PCDHGA7: variants seen among roughly 807,000 people sequenced by gnomAD.
The protein encoded by PCDHGA7 is protocadherin gamma subfamily A, 7.
In PCDHGA7, 44 loss-of-function variants were observed where a neutral mutation model predicts 58.3. The ratio of observed to expected loss-of-function variants is 0.75; its 90% CI spans 0.59 to 0.97. The LOEUF (loss-of-function observed/expected upper bound fraction) is 0.97. PCDHGA7 is among the 50% of genes least tolerant of loss of function. PCDHGA7 has a pLI of 0.00. For missense variants in PCDHGA7, 1,266 were observed against 1,188.7 expected (o/e 1.06, Z -0.96); for synonymous variants, 516 against 504.2 (o/e 1.02, Z -0.31).
intron 1 of PCDHGA7, among the ~76,000 whole-genome samples, chr5:141,442,784 A>C (rs1267270442): frequency 2.0e-5 from 3 of 152,212 alleles, no homozygotes; most frequent in Non-Finnish European, 4.4e-5. Flanking sequence ...ATTATATTTT[A>C]TAATTTTACT....
Position 141,432,195 on chromosome 5 carries a change from C to A in PCDHGA7, c.2424+46872C>A, listed in dbSNP as rs1334965321. ...CTCGTCTCTGTGACCGCCCACGACC[C>A]CGACTGTGAAGAGAACGCCCAGATC... On this transcript the variant is annotated intron_variant, in intron 1 of 3. Transcript: ENST00000518325. This position sits in a 1 kb window ranked among gnomAD's most constrained non-coding sequence, Gnocchi z 6.0. 22 of 1,614,088 alleles carry A rather than the reference C, an allele frequency of 1.4e-5. No homozygotes were observed. The highest frequency in any genetic ancestry group is 1.9e-5 in the Non-Finnish European group (22 of 1,180,058).
At chr5:141,465,840 A>G (rs1212861707) in intron 1 of PCDHGA7, among the ~76,000 whole-genome samples, 1 of 151,734 alleles carries the variant, frequency 6.6e-6, no homozygotes, top group Non-Finnish European at 1.5e-5. Context: ...ATTTCAACTG[A>G]GGCTGGGCCC....
At position 141,487,855 on chromosome 5, in the gene PCDHGA7, A is replaced by G. The variant is rs1033833406; in HGVS notation, c.2425-6952A>G. The G allele has an allele frequency of 2.1e-6, 2 of 974,092 alleles. No homozygotes were observed. Among genetic ancestry groups the G allele is most frequent in the Non-Finnish European group, 3.0e-6 (2 of 668,870 alleles). The allele number at this position is 974,092 out of a possible 1,614,324, so 60.3% of individuals were successfully genotyped here. Reference sequence around the variant, plus strand: ...TATATCTGAGTAAGAAATGAAAGTAATTGGTGATCAAGAGCCAGGCTGTTG... The same window carrying G: ...TATATCTGAGTAAGAAATGAAAGTAGTTGGTGATCAAGAGCCAGGCTGTTG... On this transcript the variant is annotated intron_variant, in intron 1 of 3. Transcript: ENST00000518325. The surrounding 1 kb of genome is among the most constrained non-coding windows in gnomAD (Gnocchi z 5.0).
At chr5:141,488,932 A>G (rs2233598) in intron 1 of PCDHGA7, among the ~76,000 whole-genome samples, 31,368 of 152,090 alleles carry the variant, frequency 0.21, 3,372 homozygotes, top group Admixed American at 0.31. Flanking sequence ...GGATTGAGGA[A>G]ACTCCATAAT....
At chr5:141,458,289 T>G (rs2154566205) in intron 1 of PCDHGA7, among the ~76,000 whole-genome samples, 1 of 152,280 alleles carries the variant, frequency 6.6e-6, no homozygotes, top group African/African-American at 2.4e-5. Flanking sequence ...CTGGTCCTCA[T>G]GCTGGTTTAG....
rs1778602174 is a variant in PCDHGA7, at chr5:141,382,938, C to G, written c.39C>G (p.Phe13Leu). ...AQPRGGDYRGFFLLSILLGTP... is the reference protein window; with the variant it reads ...AQPRGGDYRGLFLLSILLGTP... ...CGAGGGGCGGGGACTACAGAGGATT[C>G]TTCCTGCTCTCCATCCTCCTGGGGA... The change falls in exon 1 of 4, where the codon TTC becomes TTG. Residue 13 changes from phenylalanine (F) to leucine (L), a missense_variant. Physicochemically the swap from Phe to Leu is conservative, Grantham distance 22 (BLOSUM62 0). Transcript: ENST00000518325. 6.3e-7 allele frequency: 1 copy of G among 1,592,964 alleles called. No homozygotes were observed. Among genetic ancestry groups the G allele is most frequent in the Admixed American group, 1.7e-5 (1 of 57,822 alleles).
At chr5:141,468,853 G>C (rs893773356) in intron 1 of PCDHGA7, among the ~76,000 whole-genome samples, 5 of 150,898 alleles carry the variant, frequency 3.3e-5, no homozygotes, top group Non-Finnish European at 7.4e-5. Flanking sequence ...GCAACAGAGC[G>C]AGACTCCATC....
chr5:141,432,511 C>T lies in PCDHGA7; in HGVS notation c.2424+47188C>T. ...AGCTGGCTCCCCGCTCCGCAGAGCC[C>T]GGCTACCTGGTGACCAAGGTGGTGG... is the stretch of plus-strand genomic sequence containing the variant. On this transcript the variant is annotated intron_variant, in intron 1 of 3. Coordinates refer to ENST00000518325, the MANE Select transcript of PCDHGA7 (RefSeq NM_018920.4). This position sits in a 1 kb window ranked among gnomAD's most constrained non-coding sequence, Gnocchi z 6.0. 1 of 1,614,118 alleles carries T rather than the reference C, an allele frequency of 6.2e-7. No homozygotes were observed. The highest frequency in any genetic ancestry group is 8.5e-7 in the Non-Finnish European group (1 of 1,180,042).
chr5:141,402,324 A>G (rs895598623), intron 1 of PCDHGA7, among the ~76,000 whole-genome samples: 2 of 152,012 alleles, frequency 1.3e-5, no homozygotes, highest in Admixed American at 1.3e-4. Context: ...TTTTACATTT[A>G]CAAATATATA....
chr5:141,388,415 T>C, intron 1 of PCDHGA7: 2 of 1,613,894 alleles, frequency 1.2e-6, no homozygotes, highest in Non-Finnish European at 1.7e-6. Flanking sequence ...CCAGTGATCA[T>C]TTCTCACTGA....
intron 1 of PCDHGA7, chr5:141,390,147 G>C: frequency 6.2e-7 from 1 of 1,614,034 alleles, no homozygotes; most frequent in Non-Finnish European, 8.5e-7. Flanking sequence ...TCTATGTGTT[G>C]CACATACAGG....
At chr5:141,402,284 T>C (rs2150926780) in intron 1 of PCDHGA7, among the ~76,000 whole-genome samples, 1 of 152,054 alleles carries the variant, frequency 6.6e-6, no homozygotes, top group African/African-American at 2.4e-5. Context: ...GGATAATCTA[T>C]CCTTATATAT....
chr5:141,415,599 C>G (rs201075690), intron 1 of PCDHGA7: 321 of 1,613,514 alleles, frequency 2.0e-4, no homozygotes, highest in South Asian at 6.6e-4. Context: ...TAGAGGATAC[C>G]CCATTGGTTC....
intron 1 of PCDHGA7, chr5:141,423,023 C>G (rs1410040994): frequency 6.2e-7 from 1 of 1,614,222 alleles, no homozygotes; most frequent in Non-Finnish European, 8.5e-7. Context: ...GACAAAGATT[C>G]AGGCCAGAAC....
intron 1 of PCDHGA7, chr5:141,418,535 G>A: frequency 6.2e-7 from 1 of 1,614,002 alleles, no homozygotes. Context: ...AAGCGGTACT[G>A]CTCAGATAAG....
intron 1 of PCDHGA7, among the ~76,000 whole-genome samples, chr5:141,439,243 T>C (rs2098101178): frequency 6.6e-6 from 1 of 151,962 alleles, no homozygotes; most frequent in Non-Finnish European, 1.5e-5. Flanking sequence ...CCTATACAAT[T>C]TCAGCTGAAG....
rs2094361083 is a variant in PCDHGA7 at position 141,403,148 on chromosome 5, A to T, written c.2424+17825A>T. The T allele has an allele frequency of 2.5e-6, 4 of 1,614,050 alleles. No homozygotes were observed. The South Asian group carries it at 4.4e-5, about 18-fold the overall frequency. On this transcript the variant is annotated intron_variant, in intron 1 of 3. Coordinates refer to ENST00000518325, the MANE Select transcript of PCDHGA7 (RefSeq NM_018920.4). ...GGAGCTGGCGGAGCGCCGAGTCCGC[A>T]TCGTCTCTAGAGGTAGGACGCAGCT...
chr5:141,474,371 G>A (rs909237592), intron 1 of PCDHGA7, among the ~76,000 whole-genome samples: 1 of 152,180 alleles, frequency 6.6e-6, no homozygotes, highest in African/African-American at 2.4e-5. Flanking sequence ...TAGGTCTAGA[G>A]GAGGGCATTT....
Position 141,486,429 on chromosome 5 carries a change from C to G in PCDHGA7, c.2425-8378C>G, listed in dbSNP as rs2099629385. On this transcript the variant is annotated intron_variant, in intron 1 of 3. Transcript: ENST00000518325. The surrounding 1 kb of genome is among the most constrained non-coding windows in gnomAD (Gnocchi z 5.0). ...GGACCCTTGGATCGAGAGGCCAAAT[C>G]TAGCTATGACATCATGGTCACTGCT... 1.1e-5 allele frequency: 17 copies of G among 1,614,192 alleles called. No homozygotes were observed. Among genetic ancestry groups the G allele is most frequent in the Non-Finnish European group, 1.4e-5 (17 of 1,180,008 alleles).
Sources: allele counts gnomAD v4.1 joint callset (sites outside exome capture counted in the v4.1 genomes callset), GRCh38; gene constraint gnomAD v4.1.1; non-coding constraint Gnocchi (gnomAD v3.1); transcripts MANE v1.5; gene names NCBI Gene and HGNC (gene_info 2026-07-23, HGNC 2026-07-21).